Variants in ABCA8 observed in about 807,000 individuals in gnomAD.
ABCA8 encodes the protein ABC-type organic anion transporter ABCA8.
In ABCA8, 177 loss-of-function variants were observed where a neutral mutation model predicts 192.3. The observed-to-expected ratio is 0.92, with a 90% CI of 0.81 to 1.04. The LOEUF (loss-of-function observed/expected upper bound fraction) is 1.04. Ranked by LOEUF, ABCA8 falls within the 50% of genes least tolerant of loss-of-function variation. The pLI, the probability that ABCA8 is intolerant of heterozygous loss-of-function variation, is 0.00. For missense variants in ABCA8, 1,915 were observed against 1,904.8 expected, an observed-to-expected ratio of 1.01 and a Z score of -0.10; for synonymous variants, 642 against 690.2, an observed-to-expected ratio of 0.93 and a Z score of 1.09.
chr17:68,935,540 C>CTATATATATA (rs6146128), intron 5 of ABCA8, among the ~76,000 whole-genome samples: 2,638 of 86,996 alleles, frequency 0.03, 95 homozygotes, highest in East Asian at 0.048. Context: ...AGTAGTATTC[C>CTATATATATA]TATATATATA....
At chr17:68,914,533 A>G (rs1598250625) in intron 17 of ABCA8, among the ~76,000 whole-genome samples, 1 of 152,248 alleles carries the variant, frequency 6.6e-6, no homozygotes, top group East Asian at 1.9e-4. Flanking sequence ...CAAGAAAGTA[A>G]TCCCATTGAC....
At chr17:68,908,464 G>A (rs2067147894) in intron 17 of ABCA8, among the ~76,000 whole-genome samples, 1 of 152,194 alleles carries the variant, frequency 6.6e-6, no homozygotes, top group Non-Finnish European at 1.5e-5. Flanking sequence ...CTCTTATGGA[G>A]TTCATTGTCT....
chr17:68,912,741 G>A (rs1159584488), intron 17 of ABCA8, among the ~76,000 whole-genome samples: 2 of 152,042 alleles, frequency 1.3e-5, no homozygotes, highest in Non-Finnish European at 2.9e-5. Context: ...ACCCAGATAT[G>A]TAATGCAAAT....
In ABCA8 at chr17:68,887,441, C is replaced by T. The variant is rs775563998; in HGVS notation, c.3210G>A (p.Ala1070=). The change falls in exon 25 of 40, where the codon GCG becomes GCA. Residue 1070 remains alanine (A), a synonymous_variant. Coordinates refer to ENST00000586539, the MANE Select transcript of ABCA8 (RefSeq NM_001288985.2). ...LSPSAYWFGQ[A]LVDVSLYFLV... Reference sequence around the variant, plus strand: ...AGAAGTACAGGGAAACATCCACCAGCGCCTGCCCAAACCAGTAAGCAGAAG... The same window carrying T: ...AGAAGTACAGGGAAACATCCACCAGTGCCTGCCCAAACCAGTAAGCAGAAG... 2.0e-5 allele frequency: 32 copies of T among 1,613,672 alleles called. No homozygotes were observed. Among genetic ancestry groups the T allele is most frequent in the African/African-American group, 1.7e-4 (13 of 74,890 alleles).
chr17:68,876,215 A>G (rs1189540709), intron 35 of ABCA8: 1 of 568,796 alleles, frequency 1.8e-6, no homozygotes, highest in Non-Finnish European at 3.1e-6. Context: ...CTGAGCGCTT[A>G]TGAAACTCAA....
chr17:68,947,349 GA>G (rs1412208787), intron 2 of ABCA8, among the ~76,000 whole-genome samples: 1 of 152,084 alleles, frequency 6.6e-6, no homozygotes, highest in African/African-American at 2.4e-5. Context: ...CTACTTAATT[GA>G]ATTTGCCAAT....
intron 2 of ABCA8, among the ~76,000 whole-genome samples, chr17:68,943,828 T>G (rs2143780016): frequency 6.6e-6 from 1 of 152,204 alleles, no homozygotes; most frequent in Admixed American, 6.5e-5. Context: ...CCAGCACATT[T>G]GTCAACTCTT....
At chr17:68,901,417 T>A (rs2066908196) in intron 21 of ABCA8, among the ~76,000 whole-genome samples, 1 of 151,980 alleles carries the variant, frequency 6.6e-6, no homozygotes, top group Non-Finnish European at 1.5e-5. Flanking sequence ...CAAATCAAAA[T>A]CACAAGATAC....
At chr17:68,870,760 C>A (rs750868507) in intron 37 of ABCA8, among the ~76,000 whole-genome samples, 2 of 152,186 alleles carry the variant, frequency 1.3e-5, no homozygotes, top group African/African-American at 2.4e-5. Flanking sequence ...AACACTTAGA[C>A]TGTTTACACA....
chr17:68,943,402 T>G (rs1036429759), intron 2 of ABCA8, among the ~76,000 whole-genome samples: 2 of 152,216 alleles, frequency 1.3e-5, no homozygotes, highest in Admixed American at 1.3e-4. Context: ...TGTAGCAATT[T>G]GTACTATGAT....
chr17:68,888,085 A>T (rs1168760115), intron 24 of ABCA8, among the ~76,000 whole-genome samples: 1 of 148,314 alleles, frequency 6.7e-6, no homozygotes, highest in African/African-American at 2.5e-5. Context: ...ATATATACAC[A>T]CACATACACA....
rs60347168 is a variant in ABCA8, at chr17:68,946,945, A to AAG, written c.-6+2365_-6+2366dup. Among the ~76,000 whole-genome samples the AAG allele has an allele frequency of 2.1e-3, 310 of 150,158 alleles. 3 individuals are homozygous for AAG. Among genetic ancestry groups the AAG allele is most frequent in the Non-Finnish European group, 3.3e-3 (220 of 67,426 alleles). ...GACAGAGTGAGACTCCATCAAAAGA[A>AAG]AGAGAGAGAGAGAGAGAGAGAGACA... On this transcript the variant is annotated intron_variant, in intron 2 of 39. Transcript: ENST00000586539.
At position 68,877,632 on chromosome 17, in the gene ABCA8, C is replaced by T; in HGVS notation, c.4086G>A (p.Gly1362=). 6.2e-7 allele frequency: 1 copy of T among 1,613,956 alleles called. No homozygotes were observed. Among genetic ancestry groups the T allele is most frequent in the South Asian group, 1.1e-5 (1 of 91,030 alleles). ...ACAGCGCGTTCTCCTGAGGGCAGTA[C>T]CCCAGGAACTCCAGGGCATCCCCTC... ...SGGGDALEFL[G]YCPQENALWP... Residue 1362 remains glycine, a synonymous_variant, in exon 33 of 40, where the codon GGG becomes GGA. Transcript: ENST00000586539.
rs1417777652 is a variant in ABCA8 at position 68,918,560 on chromosome 17, A to C, written c.1789-14T>G. 17 of 1,476,362 alleles carry C rather than the reference A, an allele frequency of 1.2e-5. No homozygotes were observed. The highest frequency in any genetic ancestry group is 1.4e-5 in the Non-Finnish European group (16 of 1,124,738). 91.5% of individuals were successfully genotyped at this position (1,476,362 alleles called of 1,614,324 possible). On this transcript the variant is annotated splice_polypyrimidine_tract_variant and intron_variant, in intron 14 of 39. Coordinates refer to ENST00000586539, the MANE Select transcript of ABCA8 (RefSeq NM_001288985.2). ...AACCCTTTGTATCTAACCAAAAGAC[A>C]GTATTTATGTCATACACCAAAATTT... is the stretch of plus-strand genomic sequence containing the variant.
At chr17:68,885,085 C>A in intron 27 of ABCA8, 111 bp downstream of exon 27, 2 of 1,282,136 alleles carry the variant, frequency 1.6e-6, no homozygotes, top group South Asian at 3.4e-5. Context: ...AGGCAGAAAT[C>A]TTTGAACCCC....
intron 2 of ABCA8, among the ~76,000 whole-genome samples, chr17:68,942,419 C>T (rs1005179223): frequency 1.3e-5 from 2 of 152,198 alleles, no homozygotes; most frequent in Admixed American, 1.3e-4. Context: ...TGATGCCATC[C>T]AGGTATCAGA....
intron 17 of ABCA8, among the ~76,000 whole-genome samples, chr17:68,910,472 G>A (rs550919409): frequency 6.6e-5 from 10 of 152,258 alleles, no homozygotes; most frequent in African/African-American, 2.2e-4. Flanking sequence ...CCACTACCAT[G>A]GACTAAAGTG....
At chr17:68,894,084 A>G in intron 23 of ABCA8, 89 bp downstream of exon 23, 1 of 1,406,372 alleles carries the variant, frequency 7.1e-7, no homozygotes. Context: ...TGGTTTACTC[A>G]ATAAAAACAA....
chr17:68,949,632 T>C (rs1261509090), intron 1 of ABCA8, among the ~76,000 whole-genome samples, 160 bp from the exon 2 acceptor site: 1 of 152,160 alleles, frequency 6.6e-6, no homozygotes, highest in African/African-American at 2.4e-5. Context: ...TGCAAGGCTA[T>C]TTCAATATAT....
Sources: allele counts gnomAD v4.1 joint callset (sites outside exome capture counted in the v4.1 genomes callset), GRCh38; gene constraint gnomAD v4.1.1; transcripts MANE v1.5; gene names NCBI Gene and HGNC (gene_info 2026-07-23, HGNC 2026-07-21).